The following CLVS1 variants were observed in gnomAD, a reference collection of about 807,000 sequenced individuals.
CLVS1 encodes clavesin-1.
Under a neutral mutation model 33.1 loss-of-function variants are expected in CLVS1, and 10 were observed. That is an observed-to-expected ratio of 0.30 (90% confidence interval 0.19 to 0.51). The LOEUF is 0.51. CLVS1 is among the 20% of genes least tolerant of loss of function. The pLI is 0.97. For missense variants in CLVS1, 343 were observed against 433.4 expected (o/e 0.79, Z 1.85); for synonymous variants, 163 against 166.1 (o/e 0.98, Z 0.14).
intron 2 of CLVS1, among the ~76,000 whole-genome samples, chr8:61,199,856 T>C (rs1047860872): frequency 1.3e-5 from 2 of 152,230 alleles, no homozygotes; most frequent in South Asian, 4.1e-4. Flanking sequence ...CCTCATATTT[T>C]ACCTTTGTGG....
At chr8:61,125,597 C>T in intron 1 of CLVS1, among the ~76,000 whole-genome samples, 1 of 152,276 alleles carries the variant, frequency 6.6e-6, no homozygotes, top group African/African-American at 2.4e-5. Context: ...CAAATGGACT[C>T]TCATACTTGG....
At chr8:61,074,009 C>CAAAAA (rs35959369) in intron 1 of CLVS1, among the ~76,000 whole-genome samples, 1 of 70,370 alleles carries the variant, frequency 1.4e-5, no homozygotes, top group Non-Finnish European at 3.1e-5. Context: ...GACTCCGTCT[C>CAAAAA]AAAAAAAAAA....
At chr8:61,443,989 A>T (rs953050825) in intron 3 of CLVS1, among the ~76,000 whole-genome samples, 5 of 152,234 alleles carry the variant, frequency 3.3e-5, no homozygotes, top group African/African-American at 1.2e-4. Flanking sequence ...TATTTTGAGC[A>T]ATTATATATA....
intron 2 of CLVS1, among the ~76,000 whole-genome samples, chr8:61,357,007 T>C (rs1812739254): frequency 6.6e-6 from 1 of 152,184 alleles, no homozygotes; most frequent in African/African-American, 2.4e-5. Context: ...CCTTGGGCAG[T>C]ATGGCCATTT....
At chr8:61,273,689 C>T (rs890480965) in intron 2 of CLVS1, among the ~76,000 whole-genome samples, 14 of 152,216 alleles carry the variant, frequency 9.2e-5, no homozygotes, top group African/African-American at 1.2e-4. Context: ...GATATAATCT[C>T]GTGGTGCGCC....
At chr8:61,063,728 A>T (rs1253288891) in intron 1 of CLVS1, among the ~76,000 whole-genome samples, 1 of 152,230 alleles carries the variant, frequency 6.6e-6, no homozygotes, top group Non-Finnish European at 1.5e-5. Flanking sequence ...ATTGTATAAG[A>T]TACATAACAT....
chr8:61,359,542 G>A (rs1246165381), intron 2 of CLVS1, among the ~76,000 whole-genome samples: 1 of 152,088 alleles, frequency 6.6e-6, no homozygotes, highest in Non-Finnish European at 1.5e-5. Context: ...TTTTAGTAGA[G>A]ATGGGGTTTC....
chr8:61,131,504 G>C (rs1806097967), intron 1 of CLVS1, among the ~76,000 whole-genome samples: 1 of 152,180 alleles, frequency 6.6e-6, no homozygotes, highest in African/African-American at 2.4e-5. Flanking sequence ...GGTGAGGAAG[G>C]ACGGGCCTTT....
chr8:61,086,843 C>G (rs62524481), intron 1 of CLVS1, among the ~76,000 whole-genome samples: 18,482 of 152,152 alleles, frequency 0.12, 1,345 homozygotes, highest in East Asian at 0.23. Context: ...AAGTTGTATT[C>G]GTGTGGTGCT....
At chr8:61,193,990 A>C (rs1807549954) in intron 2 of CLVS1, among the ~76,000 whole-genome samples, 1 of 152,086 alleles carries the variant, frequency 6.6e-6, no homozygotes, top group South Asian at 2.1e-4. Flanking sequence ...TAAAGTTATT[A>C]ATTATTTTTA....
chr8:61,383,930 A>G (rs28674501), intron 3 of CLVS1, among the ~76,000 whole-genome samples: 6,947 of 152,280 alleles, frequency 0.046, 326 homozygotes, highest in African/African-American at 0.12. Context: ...AGTTCAAAGC[A>G]GAGGTGGACT....
At chr8:61,049,733 AAT>A in the CLVS1 span, among the ~76,000 whole-genome samples, 1 of 152,234 alleles carries the variant, frequency 6.6e-6, no homozygotes, top group Admixed American at 6.5e-5. Context: ...TACTAGGAAA[AAT>A]GTAAAAATAA....
chr8:61,031,330 T>C, the CLVS1 span, among the ~76,000 whole-genome samples: 3 of 152,148 alleles, frequency 2.0e-5, no homozygotes, highest in Admixed American at 1.3e-4. Flanking sequence ...TGCAGGGTGG[T>C]GCTTGCAGAG....
At chr8:61,165,374 G>A (rs971540638) in intron 2 of CLVS1, among the ~76,000 whole-genome samples, 2 of 152,238 alleles carry the variant, frequency 1.3e-5, no homozygotes, top group Non-Finnish European at 2.9e-5. Context: ...TACAAGGGGA[G>A]GGGACCCAAA....
chr8:61,401,116 T>G (rs562734980), intron 3 of CLVS1, among the ~76,000 whole-genome samples: 1 of 151,908 alleles, frequency 6.6e-6, no homozygotes, highest in Non-Finnish European at 1.5e-5. Flanking sequence ...TTTTGTATAC[T>G]AATATTTTAT....
intron 2 of CLVS1, among the ~76,000 whole-genome samples, chr8:61,242,010 C>A (rs1808706635): frequency 6.6e-6 from 1 of 150,764 alleles, no homozygotes; most frequent in Non-Finnish European, 1.5e-5. Context: ...AACGTGCAGT[C>A]ATTGTTGAAT....
intron 3 of CLVS1, among the ~76,000 whole-genome samples, chr8:61,407,195 A>G (rs1815028656): frequency 1.3e-5 from 2 of 152,218 alleles, no homozygotes; most frequent in African/African-American, 4.8e-5. Context: ...CTAACATATG[A>G]AGAATACTCA....
intron 3 of CLVS1, among the ~76,000 whole-genome samples, chr8:61,441,421 T>C (rs989667357): frequency 4.6e-5 from 7 of 152,210 alleles, no homozygotes; most frequent in Non-Finnish European, 8.8e-5. Flanking sequence ...TGGAGGGAGT[T>C]CGTTGTATTT....
chr8:61,293,041 A>G (rs1810054034), intron 1 of CLVS1, among the ~76,000 whole-genome samples: 1 of 152,190 alleles, frequency 6.6e-6, no homozygotes, highest in African/African-American at 2.4e-5. Context: ...TCTTGAGAGC[A>G]GGACCAAATG....
Sources: allele counts gnomAD v4.1 joint callset (sites outside exome capture counted in the v4.1 genomes callset), GRCh38; gene constraint gnomAD v4.1.1; transcripts MANE v1.5; gene names NCBI Gene and HGNC (gene_info 2026-07-23, HGNC 2026-07-21).